TAF4: variants seen among roughly 807,000 people sequenced by gnomAD.
TAF4 encodes TATA-box binding protein associated factor 4, also known as transcription initiation factor TFIID subunit 4.
TAF4 carries 9 observed loss-of-function variants against 90.3 expected under a neutral mutation model. That is an observed-to-expected ratio of 0.10 (90% confidence interval 0.06 to 0.17). The LOEUF is 0.17. Among genes scored for constraint, TAF4 ranks in the 10% least tolerant of loss-of-function variants. TAF4 has a pLI of 1.00. For missense variants in TAF4, 1,351 were observed against 1,370.7 expected, an observed-to-expected ratio of 0.99 and a Z score of 0.23; for synonymous variants, 818 against 638.9, an observed-to-expected ratio of 1.28 and a Z score of -4.23.
At chr20:61,976,814 G>A (rs927089126) in intron 14 of TAF4, among the ~76,000 whole-genome samples, 1 of 152,206 alleles carries the variant, frequency 6.6e-6, no homozygotes, top group Non-Finnish European at 1.5e-5. Flanking sequence ...GGGTCAGCTG[G>A]GAAGGCTGGG....
chr20:62,054,864 CT>C (rs1403686206), intron 1 of TAF4, among the ~76,000 whole-genome samples: 3 of 152,130 alleles, frequency 2.0e-5, no homozygotes, highest in Non-Finnish European at 4.4e-5. Flanking sequence ...AGCTGCTCCC[CT>C]GAGCTCCTGC....
At chr20:62,056,679 A>G (rs2056066084) in intron 1 of TAF4, among the ~76,000 whole-genome samples, 1 of 152,216 alleles carries the variant, frequency 6.6e-6, no homozygotes, top group Non-Finnish European at 1.5e-5. Flanking sequence ...AAAACACAGA[A>G]GCAGATATGC....
chr20:62,013,257 G>T (rs28382051), intron 2 of TAF4, among the ~76,000 whole-genome samples: 7 of 152,258 alleles, frequency 4.6e-5, no homozygotes, highest in African/African-American at 7.2e-5. Context: ...CACTAAAAAG[G>T]ATGCAAAGGC....
intron 1 of TAF4, among the ~76,000 whole-genome samples, chr20:62,026,715 G>C (rs1331702440): frequency 2.0e-5 from 3 of 152,210 alleles, no homozygotes; most frequent in African/African-American, 7.2e-5. Flanking sequence ...AGGATCAGCA[G>C]CTCTGCTCCG....
chr20:62,023,747 C>CAAAAAAAAAAA (rs59813943), intron 1 of TAF4, among the ~76,000 whole-genome samples: 1 of 59,576 alleles, frequency 1.7e-5, no homozygotes, highest in African/African-American at 6.9e-5. Flanking sequence ...GACTCCATCT[C>CAAAAAAAAAAA]AAAAAAAAAA....
At chr20:62,045,038 A>C (rs1260180027) in intron 1 of TAF4, among the ~76,000 whole-genome samples, 1 of 152,240 alleles carries the variant, frequency 6.6e-6, no homozygotes, top group Non-Finnish European at 1.5e-5. Context: ...CATGAAAATT[A>C]ATCCTGGACA....
At chr20:62,052,234 C>T (rs763840362) in intron 1 of TAF4, among the ~76,000 whole-genome samples, 12 of 151,948 alleles carry the variant, frequency 7.9e-5, no homozygotes, top group African/African-American at 2.7e-4. Context: ...CCCCCTCCCG[C>T]CCCACCCATC....
At chr20:62,018,657 C>T (rs531743178) in intron 1 of TAF4, among the ~76,000 whole-genome samples, 1 of 152,332 alleles carries the variant, frequency 6.6e-6, no homozygotes, top group African/African-American at 2.4e-5. Context: ...CTGGCCGTGT[C>T]CCCACCCAGG....
At chr20:62,048,380 AC>A (rs1399999181) in intron 1 of TAF4, among the ~76,000 whole-genome samples, 1 of 152,108 alleles carries the variant, frequency 6.6e-6, no homozygotes, top group Non-Finnish European at 1.5e-5. Context: ...AGCAGTGAGG[AC>A]AACCACAGAC....
chr20:62,002,495 C>T (rs933668751), intron 9 of TAF4, among the ~76,000 whole-genome samples: 1 of 152,156 alleles, frequency 6.6e-6, no homozygotes, highest in Non-Finnish European at 1.5e-5. Context: ...CAAAGCACAG[C>T]AGTTATTTTT....
At chr20:61,989,061 G>A (rs570774704) in intron 14 of TAF4, among the ~76,000 whole-genome samples, 1 of 152,310 alleles carries the variant, frequency 6.6e-6, no homozygotes, top group South Asian at 2.1e-4. Context: ...TGTCTGAGAA[G>A]GGACCAATAG....
chr20:62,012,639 T>A, intron 3 of TAF4, 176 bp downstream of exon 3: 3 of 816,504 alleles, frequency 3.7e-6, no homozygotes, highest in Non-Finnish European at 5.3e-6. Flanking sequence ...TCCTGACTTA[T>A]CCCATGTTGG....
intron 3 of TAF4, among the ~76,000 whole-genome samples, chr20:62,011,691 C>G (rs2055778815): frequency 6.6e-6 from 1 of 152,156 alleles, no homozygotes. Flanking sequence ...GGAGTCCACA[C>G]CCCCTGGGGC....
intron 12 of TAF4, 74 bp downstream of exon 12, chr20:61,998,909 T>C (rs2055680242): frequency 6.4e-7 from 1 of 1,568,334 alleles, no homozygotes; most frequent in East Asian, 2.3e-5. Context: ...AAAACCCCAC[T>C]GTCTCAGTGA....
Position 62,006,893 on chromosome 20 carries a change from A to G in TAF4, c.1975-135T>C. 8.2e-7 allele frequency: 1 copy of G among 1,226,970 alleles called. No homozygotes were observed. The highest frequency in any genetic ancestry group is 1.0e-6 in the Non-Finnish European group (1 of 953,476). 76.0% of individuals were successfully genotyped at this position (1,226,970 alleles called of 1,614,324 possible). ...GATGGATCTTGGCCCTCACGGCAGC[A>G]TGTCTGGATGTCAAGGGCCAGGACC... On this transcript the variant is annotated intron_variant, in intron 6 of 14. Coordinates refer to ENST00000252996, the MANE Select transcript of TAF4 (RefSeq NM_003185.4). The surrounding 1 kb of genome is among the most constrained non-coding windows in gnomAD (Gnocchi z 7.0).
intron 14 of TAF4, among the ~76,000 whole-genome samples, chr20:61,977,758 G>A (rs950297970): frequency 6.6e-6 from 1 of 152,204 alleles, no homozygotes; most frequent in African/African-American, 2.4e-5. Flanking sequence ...CGCACCTGAG[G>A]GCCAGGCCTC....
chr20:62,022,866 C>CG (rs1036893876), intron 1 of TAF4, among the ~76,000 whole-genome samples: 15 of 152,082 alleles, frequency 9.9e-5, no homozygotes, highest in African/African-American at 3.6e-4. Flanking sequence ...TTGCAGCCCC[C>CG]CCCCCGCACA....
At position 62,039,834 on chromosome 20, in the gene TAF4, C is replaced by CA. The variant is rs1187873496; in HGVS notation, c.1360+24616dup. Among the ~76,000 whole-genome samples the CA allele has an allele frequency of 1.1e-4, 13 of 115,438 alleles. No individual in the cohort carries two copies. In the East Asian group the frequency reaches 2.0e-3, roughly 18 times the overall value. 75.7% of individuals were successfully genotyped at this position (115,438 alleles called of 152,430 possible). On this transcript the variant is annotated intron_variant, in intron 1 of 14. Transcript: ENST00000252996. Reference sequence around the variant, plus strand: ...AACAACCCAATTTAAAACACACAGACAAAAGATTTGAAAAGACACCTCCCG... The same window carrying CA: ...AACAACCCAATTTAAAACACACAGACAAAAAGATTTGAAAAGACACCTCCCG...
intron 14 of TAF4, among the ~76,000 whole-genome samples, chr20:61,995,043 C>G (rs1181034106): frequency 6.6e-6 from 1 of 152,182 alleles, no homozygotes; most frequent in Non-Finnish European, 1.5e-5. Flanking sequence ...TTCCCCAGAT[C>G]CTTACTGACA....
Sources: gnomAD v4.1 joint callset for allele counts (sites outside exome capture counted in the v4.1 genomes callset) on GRCh38, gnomAD v4.1.1 for gene constraint, Gnocchi (gnomAD v3.1) non-coding constraint, MANE v1.5 for transcripts, NCBI Gene and HGNC (gene_info 2026-07-23, HGNC 2026-07-21) for gene names.